Variants in IL1RAPL2 observed in about 807,000 individuals in gnomAD.
The protein encoded by IL1RAPL2 is interleukin 1 receptor accessory protein like 2.
A neutral mutation model predicts 44.1 loss-of-function variants in IL1RAPL2; 3 were observed. The observed-to-expected ratio is 0.07, with a 90% CI of 0.03 to 0.18. The LOEUF (loss-of-function observed/expected upper bound fraction) is 0.18, where lower values mean the gene tolerates loss of function less well. Among genes scored for constraint, IL1RAPL2 ranks in the 10% least tolerant of loss-of-function variants. IL1RAPL2 has a pLI of 1.00. For missense variants in IL1RAPL2, 391 were observed against 496.4 expected (o/e 0.79, Z 2.02); for synonymous variants, 181 against 178.8 (o/e 1.01, Z -0.10).
intron 2 of IL1RAPL2, among the ~76,000 whole-genome samples, chrX:104,850,216 T>A (rs12689366): frequency 0.37 from 40,373 of 109,628 alleles, 5,908 homozygotes; most frequent in East Asian, 0.46. Context: ...ATTTTTTTTT[T>A]AAAAAAACCT....
intron 2 of IL1RAPL2, among the ~76,000 whole-genome samples, chrX:104,904,215 T>C (rs1307869083): frequency 1.2e-5 from 1 of 80,593 alleles, no homozygotes; most frequent in Non-Finnish European, 2.3e-5. Context: ...TGGAAAGTAC[T>C]TATCTTCTTT....
At chrX:105,175,852 G>A (rs1385943174) in intron 2 of IL1RAPL2, among the ~76,000 whole-genome samples, 1 of 110,485 alleles carries the variant, frequency 9.1e-6, no homozygotes, top group African/African-American at 3.3e-5. Context: ...TGTACTTACT[G>A]TAATACTTGT....
chrX:105,507,047 C>T (rs73527194), intron 6 of IL1RAPL2, among the ~76,000 whole-genome samples: 14,522 of 111,055 alleles, frequency 0.13, 2,325 homozygotes, highest in African/African-American at 0.45. Flanking sequence ...TCCAGGGAAC[C>T]TCATGGGTTT....
intron 2 of IL1RAPL2, among the ~76,000 whole-genome samples, chrX:105,036,063 T>C (rs2031623588): frequency 8.9e-6 from 1 of 111,941 alleles, no homozygotes; most frequent in South Asian, 3.7e-4. Flanking sequence ...GGTATCAGTG[T>C]CATTCTTTTG....
At chrX:104,596,412 C>A (rs1418215852) in intron 1 of IL1RAPL2, among the ~76,000 whole-genome samples, 1 of 111,400 alleles carries the variant, frequency 9.0e-6, no homozygotes, top group Non-Finnish European at 1.9e-5. Flanking sequence ...TCACAGATAC[C>A]AGGCTTAGAA....
intron 2 of IL1RAPL2, among the ~76,000 whole-genome samples, chrX:104,734,069 A>G (rs974062401): frequency 1.8e-5 from 2 of 112,139 alleles, no homozygotes; most frequent in African/African-American, 6.5e-5. Context: ...CCAATAGGGA[A>G]ATACAAATTA....
At chrX:105,139,724 C>G (rs1457937367) in intron 2 of IL1RAPL2, among the ~76,000 whole-genome samples, 1 of 111,884 alleles carries the variant, frequency 8.9e-6, no homozygotes, top group Admixed American at 9.5e-5. Flanking sequence ...ACCTAGCCAT[C>G]TTCCAAAGAC....
At chrX:104,789,700 A>T (rs1197129129) in intron 2 of IL1RAPL2, among the ~76,000 whole-genome samples, 1 of 112,224 alleles carries the variant, frequency 8.9e-6, no homozygotes, top group Non-Finnish European at 1.9e-5. Flanking sequence ...GACTGTGGTA[A>T]TCTCATTTTT....
chrX:105,290,644 G>A (rs1196944806), intron 5 of IL1RAPL2, among the ~76,000 whole-genome samples: 1 of 111,578 alleles, frequency 9.0e-6, no homozygotes, highest in Non-Finnish European at 1.9e-5. Context: ...AGGGGGAAGA[G>A]AAAAGAAGGA....
chrX:104,994,828 T>A (rs1202062494), intron 2 of IL1RAPL2, among the ~76,000 whole-genome samples: 1 of 109,702 alleles, frequency 9.1e-6, no homozygotes, highest in Non-Finnish European at 1.9e-5. Context: ...AGACGCAGAG[T>A]TTTTCATCTC....
intron 6 of IL1RAPL2, among the ~76,000 whole-genome samples, chrX:105,637,054 A>T (rs777478219): frequency 1.8e-5 from 2 of 111,194 alleles, no homozygotes; most frequent in Non-Finnish European, 3.8e-5. Context: ...GATGAGGGCT[A>T]TAGGTTCCAG....
At chrX:105,666,865 G>T (rs1370766293) in intron 6 of IL1RAPL2, among the ~76,000 whole-genome samples, 1 of 111,435 alleles carries the variant, frequency 9.0e-6, no homozygotes, top group Non-Finnish European at 1.9e-5. Context: ...TAGGAATCTT[G>T]GTGATGTGAA....
intron 2 of IL1RAPL2, among the ~76,000 whole-genome samples, chrX:104,689,818 C>A (rs1931059125): frequency 1.8e-5 from 2 of 111,811 alleles, no homozygotes; most frequent in Non-Finnish European, 3.8e-5. Context: ...GAGGCTAAAG[C>A]TCATTAGTAG....
intron 5 of IL1RAPL2, among the ~76,000 whole-genome samples, chrX:105,273,771 G>A (rs1252408112): frequency 8.9e-6 from 1 of 111,974 alleles, no homozygotes; most frequent in Admixed American, 9.5e-5. Context: ...GTGTATACAT[G>A]TTAGATAAAT....
intron 2 of IL1RAPL2, among the ~76,000 whole-genome samples, chrX:105,068,264 G>A (rs750499295): frequency 4.6e-4 from 51 of 111,422 alleles, no homozygotes; most frequent in Non-Finnish European, 7.5e-4. Context: ...TCAGTATTCT[G>A]TGTTTATTAA....
intron 6 of IL1RAPL2, among the ~76,000 whole-genome samples, chrX:105,498,961 T>C (rs1337220254): frequency 3.6e-5 from 4 of 110,938 alleles, no homozygotes; most frequent in African/African-American, 9.8e-5. Context: ...TAGATTCTCA[T>C]AGGAGCATGA....
At chrX:105,285,245 A>G (rs1230130879) in intron 5 of IL1RAPL2, among the ~76,000 whole-genome samples, 1 of 112,116 alleles carries the variant, frequency 8.9e-6, no homozygotes, top group African/African-American at 3.2e-5. Context: ...GGGAGCATGC[A>G]GTTAAATGTA....
intron 5 of IL1RAPL2, among the ~76,000 whole-genome samples, chrX:105,376,704 G>T (rs1004690913): frequency 8.9e-6 from 1 of 111,891 alleles, no homozygotes; most frequent in Non-Finnish European, 1.9e-5. Context: ...CATAATAGGA[G>T]TAGGTGTATG....
At chrX:104,905,186 G>A (rs1923949853) in intron 2 of IL1RAPL2, among the ~76,000 whole-genome samples, 1 of 111,726 alleles carries the variant, frequency 9.0e-6, no homozygotes, top group African/African-American at 3.3e-5. Flanking sequence ...GGAGTTCATT[G>A]TAGATTCTGG....
Sources: gnomAD v4.1 joint callset for allele counts (sites outside exome capture counted in the v4.1 genomes callset) on GRCh38, gnomAD v4.1.1 for gene constraint, MANE v1.5 for transcripts, NCBI Gene and HGNC (gene_info 2026-07-23, HGNC 2026-07-21) for gene names.